TAB2: variants seen among roughly 807,000 people sequenced by gnomAD.
The protein encoded by TAB2 is TGF-beta-activated kinase 1 and MAP3K7-binding protein 2.
TAB2 carries 3 observed loss-of-function variants against 65.0 expected under a neutral mutation model. The ratio of observed to expected loss-of-function variants is 0.05; its 90% CI spans 0.02 to 0.12. TAB2 has a LOEUF of 0.12. Among genes scored for constraint, TAB2 ranks in the 10% least tolerant of loss-of-function variants. The probability of loss-of-function intolerance (pLI) is 1.00; values close to 1 mark genes in which losing one functional copy is unlikely to be tolerated. For synonymous variants in TAB2, 298 were observed against 285.1 expected (o/e 1.05, Z -0.46); for missense variants, 623 against 840.3 (o/e 0.74, Z 3.20).
At chr6:149,244,070 A>C (rs1194791706) in intron 1 of TAB2, 1 of 152,250 alleles carries the variant, frequency 6.6e-6, no homozygotes, top group Non-Finnish European at 1.5e-5. Flanking sequence ...AGTTTGGAAC[A>C]TGACTGATAG....
chr6:149,222,331 T>C (rs1169328194), intron 1 of TAB2, among the ~76,000 whole-genome samples: 35 of 152,104 alleles, frequency 2.3e-4, no homozygotes, highest in Admixed American at 2.3e-3. Context: ...TAATAAACCT[T>C]TCCTGGCCAG....
chr6:149,363,083 C>G (rs1273655405), intron 1 of TAB2, among the ~76,000 whole-genome samples: 1 of 152,228 alleles, frequency 6.6e-6, no homozygotes, highest in Non-Finnish European at 1.5e-5. Flanking sequence ...TAGTCCATCC[C>G]TCATTATTGA....
chr6:149,319,061 A>G (rs145468881), intron 1 of TAB2, among the ~76,000 whole-genome samples: 147 of 152,316 alleles, frequency 9.7e-4, no homozygotes, highest in African/African-American at 3.1e-3. Flanking sequence ...GTACGGCAAT[A>G]TAATTTTGCA....
chr6:149,324,649 A>G (rs571343552), intron 1 of TAB2, among the ~76,000 whole-genome samples: 1 of 152,178 alleles, frequency 6.6e-6, no homozygotes, highest in African/African-American at 2.4e-5. Context: ...TGAGAGAAAA[A>G]TACTTGCTAA....
At chr6:149,313,217 G>A (rs1386141813), upstream of TAB2, among the ~76,000 whole-genome samples, 1 of 151,864 alleles carries the variant, frequency 6.6e-6, no homozygotes, top group Non-Finnish European at 1.5e-5. Context: ...AGGCTGGAAT[G>A]CAGTGGTGCA....
chr6:149,340,353 T>C (rs1176632851), intron 1 of TAB2, among the ~76,000 whole-genome samples: 2 of 152,314 alleles, frequency 1.3e-5, no homozygotes, highest in South Asian at 2.1e-4. Flanking sequence ...AAGAAAATTA[T>C]TAGTAACGTC....
intron 1 of TAB2, among the ~76,000 whole-genome samples, chr6:149,328,843 G>A (rs932551010): frequency 2.0e-5 from 3 of 152,196 alleles, no homozygotes; most frequent in Non-Finnish European, 4.4e-5. Flanking sequence ...CTCCTATTCA[G>A]TAAGGGATGA....
intron 1 of TAB2, among the ~76,000 whole-genome samples, chr6:149,280,411 T>C (rs1396227557): frequency 1.3e-5 from 2 of 152,162 alleles, no homozygotes; most frequent in African/African-American, 4.8e-5. Context: ...TAGGAGCCCA[T>C]TTATTTCAAA....
At chr6:149,250,918 T>C (rs891598291) in intron 1 of TAB2, among the ~76,000 whole-genome samples, 1 of 152,264 alleles carries the variant, frequency 6.6e-6, no homozygotes. Context: ...CCATTCGTTT[T>C]AGTTCTGCCT....
At chr6:149,292,666 G>A (rs1381209612) in intron 1 of TAB2, among the ~76,000 whole-genome samples, 1 of 152,108 alleles carries the variant, frequency 6.6e-6, no homozygotes, top group Non-Finnish European at 1.5e-5. Flanking sequence ...ATGTCATAAA[G>A]ATGACATATG....
rs750024149 is a variant in TAB2, at chr6:149,378,298, C to T, written c.383C>T (p.Thr128Ile). 1.2e-6 allele frequency: 2 copies of T among 1,614,234 alleles called. No individual in the cohort carries two copies. The highest frequency in any genetic ancestry group is 2.2e-5 in the East Asian group (1 of 44,884). ...GAACTATTTCAGCAGGAGCCACAGACAGCACCAGCTCAAGTTCCTCAAGGC... is the reference window on the plus strand; with the variant it reads ...GAACTATTTCAGCAGGAGCCACAGATAGCACCAGCTCAAGTTCCTCAAGGC... ...NSELFQQEPQ[T>I]APAQVPQGFN... The change falls in exon 3 of 7, where the codon ACA (threonine) becomes ATA (isoleucine). Residue 128 changes from threonine (T) to isoleucine (I), a missense_variant. This residue lies in a region of TAB2 where 550 missense variants were observed against 665.7 expected (regional missense o/e 0.83). Transcript: ENST00000637181.
intron 3 of TAB2, among the ~76,000 whole-genome samples, chr6:149,384,211 AG>A (rs1025593668): frequency 1.6e-4 from 25 of 152,264 alleles, no homozygotes; most frequent in Non-Finnish European, 1.5e-4. Flanking sequence ...CAAATTGAGA[AG>A]GGAACATACG....
chr6:149,333,102 G>T (rs542828817), intron 1 of TAB2, among the ~76,000 whole-genome samples: 2 of 152,320 alleles, frequency 1.3e-5, no homozygotes, highest in South Asian at 2.1e-4. Flanking sequence ...GCGCTTGAGC[G>T]CTCAGTAAAT....
In TAB2 at chr6:149,369,895, T is replaced by C. The variant is rs1316106783; in HGVS notation, c.-89-14T>C. The C allele has an allele frequency of 9.8e-7, 1 of 1,018,904 alleles. No individual in the cohort carries two copies. Among genetic ancestry groups the C allele is most frequent in the Admixed American group, 1.9e-5 (1 of 52,006 alleles). 63.1% of individuals were successfully genotyped at this position (1,018,904 alleles called of 1,614,324 possible). On this transcript the variant is annotated splice_polypyrimidine_tract_variant and intron_variant, in intron 1 of 6. Transcript: ENST00000637181. ...AATCAGTTCTCATTAAAATTTTTTT[T>C]CTTTCTTTCACAGAAAATGCTTGGA...
chr6:149,306,464 G>A (rs1779072678), intron 1 of TAB2, among the ~76,000 whole-genome samples: 1 of 151,190 alleles, frequency 6.6e-6, no homozygotes, highest in Admixed American at 6.6e-5. Context: ...GCAGAAGAAT[G>A]GCCTCATTCT....
intron 1 of TAB2, among the ~76,000 whole-genome samples, chr6:149,250,336 G>A (rs1777833229): frequency 6.6e-6 from 1 of 151,700 alleles, no homozygotes. Context: ...AAGGAGTCTA[G>A]CTCTTGTCAC....
rs1156936753 is a variant in TAB2 at position 149,233,771 on chromosome 6, T to C, written c.-121+14995T>C. 2.0e-5 allele frequency among the ~76,000 whole-genome samples: 3 copies of C among 152,228 alleles called. No individual in the cohort carries two copies. The East Asian group carries it at 5.8e-4, about 29-fold the overall frequency. On this transcript the variant is annotated intron_variant, in intron 1 of 1. Transcript: ENST00000606202. ...TCAATTGGTGCAAAAGTGATTGTTG[T>C]TTTTGCAACTACTTTTAATGGCAAG...
chr6:149,243,843 C>A (rs1777648082), intron 1 of TAB2: 1 of 152,204 alleles, frequency 6.6e-6, no homozygotes, highest in African/African-American at 2.4e-5. Flanking sequence ...GGCTCCTTTT[C>A]TCTTATTATA....
At chr6:149,377,907 T>C in intron 2 of TAB2, 111 bp from the exon 3 acceptor site, 1 of 815,354 alleles carries the variant, frequency 1.2e-6, no homozygotes, top group East Asian at 2.7e-5. Context: ...TATCCAAATA[T>C]ATGTTATAAT....
Sources: allele counts gnomAD v4.1 joint callset (sites outside exome capture counted in the v4.1 genomes callset), GRCh38; gene constraint gnomAD v4.1.1; regional missense constraint gnomAD v4.1.1; transcripts MANE v1.5; gene names NCBI Gene and HGNC (gene_info 2026-07-23, HGNC 2026-07-21).